The following KCNMA1 variants were observed in gnomAD, a reference collection of about 807,000 sequenced individuals.
KCNMA1 encodes the protein potassium calcium-activated channel subfamily M alpha 1.
Under a neutral mutation model 140.0 loss-of-function variants are expected in KCNMA1, and 29 were observed. The observed-to-expected ratio is 0.21, with a 90% CI of 0.15 to 0.28. The LOEUF is 0.28. Ranked by LOEUF, KCNMA1 falls within the 10% of genes least tolerant of loss-of-function variation. KCNMA1 has a pLI of 1.00. For missense variants in KCNMA1, 880 were observed against 1,602.2 expected, an observed-to-expected ratio of 0.55 and a Z score of 7.70; for synonymous variants, 612 against 611.9, an observed-to-expected ratio of 1.00 and a Z score of 0.00.
chr10:76,872,927 G>A (rs2151375917), downstream of KCNMA1: 1 of 151,720 alleles, frequency 6.6e-6, no homozygotes, highest in South Asian at 2.1e-4. Flanking sequence ...TATACCCCAA[G>A]TTTGGCTTAT....
At chr10:77,416,671 T>G (rs954607021) in intron 1 of KCNMA1, among the ~76,000 whole-genome samples, 1 of 152,142 alleles carries the variant, frequency 6.6e-6, no homozygotes, top group Non-Finnish European at 1.5e-5. Context: ...TTCGCTGCTG[T>G]TCTTTGCTTC....
intron 1 of KCNMA1, among the ~76,000 whole-genome samples, chr10:77,436,858 C>T (rs1280626588): frequency 6.6e-6 from 1 of 152,012 alleles, no homozygotes; most frequent in Non-Finnish European, 1.5e-5. Context: ...AAATTTATTA[C>T]AGGTCAGAGG....
chr10:77,577,351 ACT>A (rs796093662), intron 1 of KCNMA1, among the ~76,000 whole-genome samples: 33 of 152,030 alleles, frequency 2.2e-4, no homozygotes, highest in African/African-American at 8.0e-4. Flanking sequence ...CCCGGCTCAC[ACT>A]CTCTTAACTG....
intron 25 of KCNMA1, among the ~76,000 whole-genome samples, chr10:76,909,061 C>G (rs1290376232): frequency 6.6e-6 from 1 of 152,228 alleles, no homozygotes. Flanking sequence ...CCTGGGCCAG[C>G]CCACTGTCCT....
intron 9 of KCNMA1, among the ~76,000 whole-genome samples, chr10:77,101,368 A>G (rs2097093930): frequency 6.6e-6 from 1 of 152,228 alleles, no homozygotes; most frequent in South Asian, 2.1e-4. Context: ...TGCTAATCAA[A>G]GCAGAATGCC....
intron 1 of KCNMA1, among the ~76,000 whole-genome samples, chr10:77,443,592 C>T (rs908921510): frequency 6.6e-5 from 10 of 152,144 alleles, no homozygotes; most frequent in African/African-American, 2.4e-4. Context: ...GCTTTGGAAT[C>T]AGAGGCCAGG....
At chr10:77,491,714 TACACACACACACACACACACAC>T (rs3071912) in intron 1 of KCNMA1, among the ~76,000 whole-genome samples, 2 of 145,484 alleles carry the variant, frequency 1.4e-5, no homozygotes, top group Non-Finnish European at 3.0e-5. Context: ...TTAGAAGTCA[TACACACACACACACACACACAC>T]ACACACACAC....
At chr10:77,614,899 C>A (rs533071019) in intron 1 of KCNMA1, among the ~76,000 whole-genome samples, 75 of 152,266 alleles carry the variant, frequency 4.9e-4, no homozygotes, top group African/African-American at 1.4e-3. Context: ...TGCCAATGAG[C>A]AACATATTTG....
chr10:76,962,073 G>T (rs904360708), intron 20 of KCNMA1, among the ~76,000 whole-genome samples: 7 of 152,146 alleles, frequency 4.6e-5, no homozygotes, highest in Non-Finnish European at 7.4e-5. Context: ...GAAAAAGCTC[G>T]CCTTGAAGAC....
intron 5 of KCNMA1, among the ~76,000 whole-genome samples, chr10:77,123,215 A>AAAAAAAT: frequency 7.2e-6 from 1 of 138,634 alleles, no homozygotes; most frequent in South Asian, 2.4e-4. Context: ...AAAAAAAAAA[A>AAAAAAAT]GTGTTAAACA....
At chr10:76,959,742 G>A (rs1486033290) in intron 20 of KCNMA1, among the ~76,000 whole-genome samples, 1 of 152,162 alleles carries the variant, frequency 6.6e-6, no homozygotes, top group Non-Finnish European at 1.5e-5. Context: ...TACTATTGCT[G>A]CTACTAGTGC....
chr10:77,473,407 G>A (rs1351341493), intron 1 of KCNMA1, among the ~76,000 whole-genome samples: 1 of 152,254 alleles, frequency 6.6e-6, no homozygotes, highest in Non-Finnish European at 1.5e-5. Context: ...TGGAGGCCAA[G>A]AAGAGCTTTA....
intron 2 of KCNMA1, chr10:77,314,256 C>T (rs560117683): frequency 6.6e-6 from 1 of 152,268 alleles, no homozygotes; most frequent in East Asian, 1.9e-4. Context: ...GAGGCCACAT[C>T]AGGGACAAAT....
At chr10:77,010,469 C>G (rs2090435423) in intron 18 of KCNMA1, among the ~76,000 whole-genome samples, 1 of 151,850 alleles carries the variant, frequency 6.6e-6, no homozygotes, top group South Asian at 2.1e-4. Context: ...AATTCTTGTC[C>G]CAAGAAATTA....
intron 3 of KCNMA1, among the ~76,000 whole-genome samples, chr10:77,192,012 T>A (rs573496739): frequency 2.0e-5 from 3 of 152,212 alleles, no homozygotes; most frequent in Admixed American, 1.3e-4. Flanking sequence ...GAAAGTAGTA[T>A]AAAAACCCTA....
intron 1 of KCNMA1, among the ~76,000 whole-genome samples, chr10:77,571,818 C>T (rs758862416): frequency 7.9e-5 from 12 of 152,178 alleles, no homozygotes; most frequent in Non-Finnish European, 1.5e-4. Flanking sequence ...TGCTTTTTCC[C>T]GTACCTAATT....
chr10:77,356,612 A>G (rs1566211554), intron 2 of KCNMA1, among the ~76,000 whole-genome samples: 1 of 152,170 alleles, frequency 6.6e-6, no homozygotes, highest in South Asian at 2.1e-4. Context: ...AAATCACCCA[A>G]TGGGATCAGC....
intron 1 of KCNMA1, among the ~76,000 whole-genome samples, chr10:77,537,046 T>C (rs2059052760): frequency 6.6e-6 from 1 of 151,292 alleles, no homozygotes; most frequent in Non-Finnish European, 1.5e-5. Flanking sequence ...CAGCCTCTTA[T>C]TATTTTATGT....
At position 76,884,892 on chromosome 10, in the gene KCNMA1, CTT is replaced by C; in HGVS notation, c.*2372_*2373del. The C allele has an allele frequency of 7.2e-7, 1 of 1,385,178 alleles. No homozygotes were observed. The highest frequency in any genetic ancestry group is 9.5e-7 in the Non-Finnish European group (1 of 1,057,140). 85.8% of individuals were successfully genotyped at this position (1,385,178 alleles called of 1,614,324 possible). A position where few individuals can be genotyped will look rare whatever the true frequency, so the allele number is the denominator to read the frequency against. On this transcript the variant is annotated 3_prime_UTR_variant, in exon 28 of 28. Coordinates refer to ENST00000286628, the MANE Select transcript of KCNMA1 (RefSeq NM_001161352.2). Reference sequence around the variant, plus strand: ...AATAACAGAATAAAATTTGTAACTCCTTTTTTTTTAATTTCACAAAAGTTTTC... The same window carrying C: ...AATAACAGAATAAAATTTGTAACTCCTTTTTTTAATTTCACAAAAGTTTTC...
Sources: gnomAD v4.1 joint callset for allele counts (sites outside exome capture counted in the v4.1 genomes callset) on GRCh38, gnomAD v4.1.1 for gene constraint, MANE v1.5 for transcripts, NCBI Gene and HGNC (gene_info 2026-07-23, HGNC 2026-07-21) for gene names.